Variants in PPA2 observed in about 807,000 individuals in gnomAD.
PPA2 encodes the protein inorganic pyrophosphatase 2, mitochondrial.
A neutral mutation model predicts 49.5 loss-of-function variants in PPA2; 48 were observed. The ratio of observed to expected loss-of-function variants is 0.97; its 90% confidence interval spans 0.77 to 1.23. The LOEUF (loss-of-function observed/expected upper bound fraction) is 1.23. Among genes scored for constraint, PPA2 ranks in the 50% most tolerant of loss-of-function variants. The pLI is 0.00. For missense variants in PPA2, 429 were observed against 410.1 expected (o/e 1.05, Z -0.40); for synonymous variants, 131 against 139.9 (o/e 0.94, Z 0.45).
chr4:105,370,789 C>A (rs1364228284), intron 11 of PPA2, 48 bp downstream of exon 11: 1 of 1,354,752 alleles, frequency 7.4e-7, no homozygotes. Flanking sequence ...CTACTGTAAA[C>A]AAATAAATTT....
chr4:105,444,641 T>G (rs1475439300), intron 5 of PPA2, among the ~76,000 whole-genome samples: 1 of 152,194 alleles, frequency 6.6e-6, no homozygotes, highest in Non-Finnish European at 1.5e-5. Context: ...CAGAAGCTTC[T>G]TTTGTTTTTA....
chr4:105,437,985 T>C lies in PPA2; in HGVS notation c.493A>G (p.Asn165Asp). The C allele has an allele frequency of 1.2e-6, 2 of 1,609,802 alleles. No homozygotes were observed. The highest frequency in any genetic ancestry group is 2.2e-5 in the South Asian group (2 of 89,814). Residue 165 changes from asparagine (N) to aspartate (D), a missense_variant, in exon 6 of 12, where the codon AAT (asparagine) becomes GAT (aspartate). Physicochemically the swap from Asn to Asp is conservative, Grantham distance 23. Transcript: ENST00000341695. ...ATTTCGCAAACATCAATAGGATCAT[T>C]ATCTCCAAAGCAGTTCGTGCTCTTA... ...KDKSTNCFGDNDPIDVCEIGS... is the reference protein window; with the variant it reads ...KDKSTNCFGDDDPIDVCEIGS...
At chr4:105,371,146 AGAGAG>A (rs1243974364) in intron 10 of PPA2, among the ~76,000 whole-genome samples, 1 of 152,206 alleles carries the variant, frequency 6.6e-6, no homozygotes, top group African/African-American at 2.4e-5. Context: ...AGGAATGAGA[AGAGAG>A]GTTTTCTTTC....
chr4:105,450,479 C>A (rs948607266), intron 3 of PPA2, among the ~76,000 whole-genome samples: 2 of 151,586 alleles, frequency 1.3e-5, no homozygotes, highest in African/African-American at 4.8e-5. Context: ...TGGGTTCAAG[C>A]AATTCTCCTG....
At chr4:105,466,796 C>G (rs1306300264) in intron 1 of PPA2, among the ~76,000 whole-genome samples, 1 of 152,160 alleles carries the variant, frequency 6.6e-6, no homozygotes, top group Non-Finnish European at 1.5e-5. Flanking sequence ...GGCAGGCTGT[C>G]TGCACACACA....
chr4:105,449,495 TC>T, intron 3 of PPA2, 92 bp from the exon 4 acceptor site: 2 of 713,098 alleles, frequency 2.8e-6, no homozygotes, highest in Non-Finnish European at 4.5e-6. Context: ...TTAGATGTTT[TC>T]CCCCGACAAA....
intron 9 of PPA2, among the ~76,000 whole-genome samples, chr4:105,389,446 TA>T (rs370183473): frequency 0.018 from 2,333 of 130,272 alleles, 50 homozygotes; most frequent in African/African-American, 0.054. Context: ...AAACGAAACT[TA>T]AAAAAAAAAA....
intron 10 of PPA2, among the ~76,000 whole-genome samples, chr4:105,374,717 C>G (rs948410792): frequency 1.4e-4 from 21 of 152,000 alleles, no homozygotes; most frequent in African/African-American, 5.1e-4. Flanking sequence ...CTATATATAA[C>G]AAAGGGATTG....
chr4:105,380,316 A>C (rs1399599406), intron 10 of PPA2, among the ~76,000 whole-genome samples: 1 of 152,108 alleles, frequency 6.6e-6, no homozygotes, highest in African/African-American at 2.4e-5. Flanking sequence ...TTTTTCTCTT[A>C]ATATCTGTAG....
chr4:105,460,071 T>C (rs1305372328), intron 1 of PPA2, among the ~76,000 whole-genome samples: 1 of 152,208 alleles, frequency 6.6e-6, no homozygotes, highest in Non-Finnish European at 1.5e-5. Context: ...TAAGTAAATA[T>C]GGAGCTGAAA....
intron 7 of PPA2, among the ~76,000 whole-genome samples, chr4:105,403,383 G>C (rs1474497122): frequency 6.6e-6 from 1 of 151,996 alleles, no homozygotes; most frequent in Non-Finnish European, 1.5e-5. Flanking sequence ...TATAAAGAGT[G>C]TCATAACTTC....
chr4:105,405,974 C>A (rs1005056258), intron 7 of PPA2: 6 of 357,108 alleles, frequency 1.7e-5, no homozygotes, highest in African/African-American at 1.1e-4. Context: ...AAGCAGTTAA[C>A]AGAAATCAAT....
chr4:105,418,724 A>C (rs72668240), intron 7 of PPA2, among the ~76,000 whole-genome samples: 569 of 152,290 alleles, frequency 3.7e-3, no homozygotes, highest in Non-Finnish European at 6.6e-3. Context: ...GTTTTCATTT[A>C]TTTAAAGGCC....
chr4:105,386,013 G>A (rs1419797514), intron 10 of PPA2, among the ~76,000 whole-genome samples: 5 of 151,646 alleles, frequency 3.3e-5, no homozygotes, highest in East Asian at 3.9e-4. Context: ...CCGAGTAGCT[G>A]GGATTACAAG....
At chr4:105,472,829 G>A (rs531571445) in intron 1 of PPA2, among the ~76,000 whole-genome samples, 5 of 152,166 alleles carry the variant, frequency 3.3e-5, no homozygotes, top group South Asian at 2.1e-4. Context: ...AATGATTATC[G>A]GTATTAACAA....
chr4:105,379,630 ATTTT>A (rs70964652), intron 10 of PPA2, among the ~76,000 whole-genome samples: 37,968 of 127,536 alleles, frequency 0.3, 5,428 homozygotes, highest in South Asian at 0.35. Context: ...CGCCTGGCTA[ATTTT>A]TTTTTTTTTT....
intron 5 of PPA2, among the ~76,000 whole-genome samples, chr4:105,444,283 A>C (rs1213793527): frequency 6.6e-6 from 1 of 152,214 alleles, no homozygotes; most frequent in Non-Finnish European, 1.5e-5. Flanking sequence ...AAATGAGGAT[A>C]GAGAAGTAAG....
At chr4:105,388,825 C>CAAAAAAAAAAA (rs771537412) in intron 9 of PPA2, among the ~76,000 whole-genome samples, 1 of 56,856 alleles carries the variant, frequency 1.8e-5, no homozygotes, top group African/African-American at 5.1e-5. Flanking sequence ...GCAACGTCTC[C>CAAAAAAAAAAA]AAAAAAAAAA....
intron 7 of PPA2, among the ~76,000 whole-genome samples, chr4:105,413,010 G>A (rs922292678): frequency 5.3e-5 from 8 of 152,138 alleles, no homozygotes; most frequent in Non-Finnish European, 8.8e-5. Flanking sequence ...TATAAATCAT[G>A]CTACTATAAA....
Sources: allele counts gnomAD v4.1 joint callset (sites outside exome capture counted in the v4.1 genomes callset), GRCh38; gene constraint gnomAD v4.1.1; transcripts MANE v1.5; gene names NCBI Gene and HGNC (gene_info 2026-07-23, HGNC 2026-07-21).